Variants in VPS8 observed in about 807,000 individuals in gnomAD.
VPS8 encodes the protein vacuolar protein sorting-associated protein 8 homolog.
Under a neutral mutation model 216.4 loss-of-function variants are expected in VPS8, and 129 were observed. The observed-to-expected ratio is 0.60, with a 90% CI of 0.52 to 0.69. The LOEUF (loss-of-function observed/expected upper bound fraction) is 0.69, where lower values mean the gene tolerates loss of function less well. VPS8 is among the 30% of genes least tolerant of loss of function. VPS8 has a pLI of 0.00. For synonymous variants in VPS8, 571 were observed against 565.4 expected (o/e 1.01, Z -0.14); for missense variants, 1,531 against 1,683.5 (o/e 0.91, Z 1.59).
At chr3:184,974,677 T>G (rs1748974379) in intron 40 of VPS8, among the ~76,000 whole-genome samples, 1 of 152,174 alleles carries the variant, frequency 6.6e-6, no homozygotes, top group Non-Finnish European at 1.5e-5. Context: ...CTTCCAGTAG[T>G]TGTATGCATG....
At chr3:184,988,970 G>A (rs1170985506) in intron 42 of VPS8, among the ~76,000 whole-genome samples, 2 of 152,122 alleles carry the variant, frequency 1.3e-5, no homozygotes, top group Non-Finnish European at 2.9e-5. Flanking sequence ...GAAACCAATT[G>A]ACTTTGTATA....
chr3:184,992,016 G>A (rs1237540287), intron 42 of VPS8, among the ~76,000 whole-genome samples: 3 of 152,082 alleles, frequency 2.0e-5, no homozygotes, highest in Non-Finnish European at 4.4e-5. Context: ...TTTGTGCCTT[G>A]GATTTCTTCA....
Position 184,832,717 on chromosome 3 carries a change from T to C in VPS8, c.251T>C (p.Leu84Pro). The change falls in exon 4 of 48, where the codon CTT (leucine) becomes CCT (proline). Residue 84 changes from leucine to proline, a missense_variant. By Grantham distance (98) the Leu-to-Pro change is moderately conservative. Transcript: ENST00000625842. Reference protein sequence around the residue: ...ETDDEDESFILEDPTLLNIDT... With the variant: ...ETDDEDESFIPEDPTLLNIDT... ...GATGATGAAGATGAGTCTTTTATTCTTGAGGATCCTACATTGTTAAACATT... is the reference window on the plus strand; with the variant it reads ...GATGATGAAGATGAGTCTTTTATTCCTGAGGATCCTACATTGTTAAACATT... The C allele has an allele frequency of 6.2e-7, 1 of 1,604,538 alleles. No individual in the cohort carries two copies. The highest frequency in any genetic ancestry group is 8.5e-7 in the Non-Finnish European group (1 of 1,174,634).
At chr3:185,014,451 G>C (rs1032892775) in intron 45 of VPS8, among the ~76,000 whole-genome samples, 5 of 152,162 alleles carry the variant, frequency 3.3e-5, no homozygotes, top group African/African-American at 1.2e-4. Context: ...CAAATCGGCT[G>C]TTGATTCGGT....
intron 3 of VPS8, among the ~76,000 whole-genome samples, chr3:184,827,071 C>T (rs1324867780): frequency 6.6e-6 from 1 of 152,184 alleles, no homozygotes. Flanking sequence ...ATGTATAAAT[C>T]TATTTCAAAT....
intron 46 of VPS8, among the ~76,000 whole-genome samples, chr3:185,047,594 T>C (rs1407229917): frequency 6.6e-6 from 1 of 152,194 alleles, no homozygotes; most frequent in African/African-American, 2.4e-5. Context: ...TGAAATCAAC[T>C]TTTAACTATG....
chr3:184,901,715 A>G (rs1365687460), intron 25 of VPS8, among the ~76,000 whole-genome samples: 2 of 152,310 alleles, frequency 1.3e-5, no homozygotes, highest in Non-Finnish European at 2.9e-5. Context: ...TACCTCAAGT[A>G]TCTCACCTTG....
At chr3:184,971,579 C>T in intron 39 of VPS8, 70 bp from the exon 40 acceptor site, 1 of 1,235,116 alleles carries the variant, frequency 8.1e-7, no homozygotes, top group South Asian at 1.5e-5. Context: ...AGAAGTTTAA[C>T]TTTTCACAGA....
At chr3:185,004,373 G>A (rs1000234438) in intron 45 of VPS8, among the ~76,000 whole-genome samples, 7 of 152,166 alleles carry the variant, frequency 4.6e-5, no homozygotes, top group South Asian at 2.1e-4. Context: ...GCAGGCACTC[G>A]GCAGGCTGAG....
At chr3:185,004,926 A>ATTTG (rs1437545309) in intron 45 of VPS8, among the ~76,000 whole-genome samples, 1 of 150,748 alleles carries the variant, frequency 6.6e-6, no homozygotes, top group Non-Finnish European at 1.5e-5. Context: ...TTATTTATTT[A>ATTTG]TTTTTGCATT....
At chr3:184,842,209 A>AAAAAAAAAAAAAG (rs1553828675) in intron 7 of VPS8, among the ~76,000 whole-genome samples, 1 of 149,376 alleles carries the variant, frequency 6.7e-6, no homozygotes, top group East Asian at 2.0e-4. Flanking sequence ...AAAAAAAAAA[A>AAAAAAAAAAAAAG]GAATATGTGA....
intron 34 of VPS8, among the ~76,000 whole-genome samples, chr3:184,931,038 G>A (rs1054062180): frequency 3.9e-5 from 6 of 152,078 alleles, no homozygotes; most frequent in African/African-American, 1.4e-4. Flanking sequence ...ATTTTACAGA[G>A]GATGCAAGTA....
Position 184,859,992 on chromosome 3 carries a change from G to T in VPS8, c.1151G>T (p.Arg384Ile). The change falls in exon 15 of 48, where the codon AGA (arginine) becomes ATA (isoleucine). Residue 384 changes from arginine (R) to isoleucine (I), a missense_variant. Physicochemically the swap from Arg to Ile is moderately conservative, Grantham distance 97. Transcript: ENST00000625842. ...TTTTTATTTCATCATCAGGTAAAGA[G>T]AGATGAATCTGGAGCAATACATGTT... ...GDVVHFLLVK[R>I]DESGAIHVTK... 1.9e-6 allele frequency: 3 copies of T among 1,612,964 alleles called. No homozygotes were observed. Among genetic ancestry groups the T allele is most frequent in the Non-Finnish European group, 2.5e-6 (3 of 1,179,308 alleles).
chr3:184,839,908 AT>A, intron 7 of VPS8, 156 bp downstream of exon 7: 2 of 1,405,472 alleles, frequency 1.4e-6, no homozygotes, highest in Non-Finnish European at 9.2e-7. Flanking sequence ...GCTAAAAATT[AT>A]TTGCCTCACA....
intron 36 of VPS8, among the ~76,000 whole-genome samples, chr3:184,948,116 A>G (rs1576944132): frequency 1.3e-5 from 2 of 152,288 alleles, no homozygotes; most frequent in East Asian, 3.9e-4. Flanking sequence ...AAAGATATTT[A>G]CAGTAATTAC....
chr3:184,887,365 A>T (rs912400860), intron 22 of VPS8, among the ~76,000 whole-genome samples: 3 of 152,142 alleles, frequency 2.0e-5, no homozygotes, highest in African/African-American at 7.2e-5. Flanking sequence ...ATAAAATAAA[A>T]AATAAACCAA....
intron 46 of VPS8, among the ~76,000 whole-genome samples, chr3:185,044,166 G>A (rs764021252): frequency 6.6e-6 from 1 of 152,092 alleles, no homozygotes; most frequent in Non-Finnish European, 1.5e-5. Flanking sequence ...CTCCAGCCTG[G>A]GCAACAAGAG....
intron 36 of VPS8, among the ~76,000 whole-genome samples, chr3:184,947,550 T>G (rs947096122): frequency 1.4e-5 from 2 of 143,800 alleles, no homozygotes; most frequent in African/African-American, 5.1e-5. Context: ...TGTGGGCAGG[T>G]TTTTTTTTTT....
chr3:185,015,625 G>A (rs184773941), intron 45 of VPS8, among the ~76,000 whole-genome samples: 2 of 152,262 alleles, frequency 1.3e-5, no homozygotes, highest in African/African-American at 4.8e-5. Flanking sequence ...GTTATTTTAG[G>A]GAGAATCCAA....
Sources: gnomAD v4.1 joint callset for allele counts (sites outside exome capture counted in the v4.1 genomes callset) on GRCh38, gnomAD v4.1.1 for gene constraint, MANE v1.5 for transcripts, NCBI Gene and HGNC (gene_info 2026-07-23, HGNC 2026-07-21) for gene names.